The following NR3C1 variants were observed in gnomAD, a reference collection of about 807,000 sequenced individuals.
The protein encoded by NR3C1 is glucocorticoid receptor.
A neutral mutation model predicts 74.0 loss-of-function variants in NR3C1; 14 were observed. That is an observed-to-expected ratio of 0.19 (90% confidence interval 0.12 to 0.30). NR3C1 has a LOEUF of 0.30. Ranked by LOEUF, NR3C1 falls within the 10% of genes least tolerant of loss-of-function variation. The probability of loss-of-function intolerance (pLI) is 1.00; values close to 1 mark genes in which losing one functional copy is unlikely to be tolerated. For synonymous variants in NR3C1, 308 were observed against 332.5 expected, an observed-to-expected ratio of 0.93 and a Z score of 0.80; for missense variants, 695 against 909.8, an observed-to-expected ratio of 0.76 and a Z score of 3.04.
rs557322877 is a variant in NR3C1, at chr5:143,333,695, G to C, written c.1185-19527C>G. ...AGGCAGGAAAATCGCTTGAACCCAGGAGGCAGAGACTGCAGTGAGCCAAGA... is the reference window on the plus strand; with the variant it reads ...AGGCAGGAAAATCGCTTGAACCCAGCAGGCAGAGACTGCAGTGAGCCAAGA... On this transcript the variant is annotated intron_variant, in intron 2 of 8. Transcript: ENST00000394464. Among the ~76,000 whole-genome samples, 20 of 152,230 alleles carry C rather than the reference G, an allele frequency of 1.3e-4. No homozygotes were observed. In the East Asian group the frequency reaches 3.3e-3, roughly 25 times the overall value.
chr5:143,342,712 G>T (rs1828481298), intron 2 of NR3C1, among the ~76,000 whole-genome samples: 1 of 152,186 alleles, frequency 6.6e-6, no homozygotes, highest in Non-Finnish European at 1.5e-5. Context: ...AATGTGCTTT[G>T]TAATTGGAAT....
At chr5:143,358,376 T>C (rs1489594270) in intron 2 of NR3C1, among the ~76,000 whole-genome samples, 1 of 152,212 alleles carries the variant, frequency 6.6e-6, no homozygotes, top group African/African-American at 2.4e-5. Context: ...CCTTATAATG[T>C]TCATTTTGAT....
Position 143,279,263 on chromosome 5 carries a change from CGAT to C in NR3C1, c.*2623_*2625del. ...TTAATGAAAAGCCTCCTATAGTTGT[CGAT>C]GAGCATCAGTTGACTTATTATTGAC... On this transcript the variant is annotated 3_prime_UTR_variant, in exon 9 of 9. Coordinates refer to ENST00000394464, the MANE Select transcript of NR3C1 (RefSeq NM_000176.3). 4.4e-6 allele frequency: 6 copies of C among 1,356,924 alleles called. No individual in the cohort carries two copies. Among genetic ancestry groups the C allele is most frequent in the Non-Finnish European group, 6.0e-6 (6 of 1,001,278 alleles). 84.1% of individuals were successfully genotyped at this position (1,356,924 alleles called of 1,614,324 possible).
At chr5:143,378,899 G>T (rs1027324244) in intron 2 of NR3C1, among the ~76,000 whole-genome samples, 8 of 151,862 alleles carry the variant, frequency 5.3e-5, no homozygotes, top group African/African-American at 1.9e-4. Context: ...GCCACATATA[G>T]TATTAAGGCA....
intron 2 of NR3C1, among the ~76,000 whole-genome samples, chr5:143,328,184 T>C (rs2151685160): frequency 6.6e-6 from 1 of 152,360 alleles, no homozygotes; most frequent in South Asian, 2.1e-4. Flanking sequence ...GCTTGGGGCT[T>C]GCACCCTCTG....
chr5:143,384,111 C>T (rs1317524466), intron 2 of NR3C1, among the ~76,000 whole-genome samples: 2 of 152,168 alleles, frequency 1.3e-5, no homozygotes, highest in Non-Finnish European at 2.9e-5. Flanking sequence ...GTTCACATGG[C>T]AGAGGAGGAG....
At chr5:143,400,929 AAGAGGC>A in intron 1 of NR3C1, 77 bp from the exon 2 acceptor site, 1 of 1,095,376 alleles carries the variant, frequency 9.1e-7, no homozygotes, top group East Asian at 2.5e-5. Flanking sequence ...TCCGATTAGT[AAGAGGC>A]AGCTTGTTAA....
rs1400646165 is a variant in NR3C1, at chr5:143,310,129, C to T, written c.1436G>A (p.Arg479Gln). The T allele has an allele frequency of 5.0e-6, 8 of 1,613,746 alleles. No homozygotes were observed. The highest frequency in any genetic ancestry group is 2.2e-5 in the East Asian group (1 of 44,880). The change falls in exon 4 of 9, where the codon CGA becomes CAA. Residue 479 changes from arginine to glutamine, a missense_variant. Physicochemically the swap from Arg to Gln is conservative, Grantham distance 43. Transcript: ENST00000394464. ...RRKNCPACRY[R>Q]KCLQAGMNLE... is the part of the protein sequence containing the mutation. ...GTTCATTCCAGCCTGAAGACATTTT[C>T]GATAGCGGCATGCTGGGCAGTTTTT...
At chr5:143,311,618 C>T (rs1178048306) in intron 3 of NR3C1, among the ~76,000 whole-genome samples, 1 of 152,136 alleles carries the variant, frequency 6.6e-6, no homozygotes, top group Non-Finnish European at 1.5e-5. Context: ...TAGTCATTTC[C>T]TGTCAATCCA....
intron 2 of NR3C1, among the ~76,000 whole-genome samples, chr5:143,322,706 T>C (rs1823639187): frequency 6.6e-6 from 1 of 152,152 alleles, no homozygotes; most frequent in Admixed American, 6.6e-5. Flanking sequence ...CATATCAATA[T>C]AAAGGAAGGA....
chr5:143,433,021 C>T (rs1479174516), intron 1 of NR3C1, among the ~76,000 whole-genome samples: 1 of 152,102 alleles, frequency 6.6e-6, no homozygotes, highest in Non-Finnish European at 1.5e-5. Context: ...ATTTAGTTTC[C>T]ATTTTAAAGG....
chr5:143,338,632 C>T (rs1175731897), intron 2 of NR3C1, among the ~76,000 whole-genome samples: 1 of 152,062 alleles, frequency 6.6e-6, no homozygotes, highest in Non-Finnish European at 1.5e-5. Flanking sequence ...TTCTTTACAG[C>T]TGTACAATGT....
In NR3C1 at chr5:143,298,688, AGCAAAAC is replaced by A; in HGVS notation, c.1865_1871del (p.Cys622PhefsTer4). On this transcript the variant is annotated frameshift_variant, in exon 6 of 9. Coordinates refer to ENST00000394464, the MANE Select transcript of NR3C1 (RefSeq NM_000176.3). LOFTEE classifies it high-confidence loss of function. Reference sequence around the variant, plus strand: ...CTTACTCATTAATAATCAGATCAGGAGCAAAACACAGCAGGTTTGCACTTGATTGTCT... The same window carrying A: ...CTTACTCATTAATAATCAGATCAGGAACAGCAGGTTTGCACTTGATTGTCT... 1 of 1,613,790 alleles carries A rather than the reference AGCAAAAC, an allele frequency of 6.2e-7. No individual in the cohort carries two copies. The highest frequency in any genetic ancestry group is 8.5e-7 in the Non-Finnish European group (1 of 1,179,834).
chr5:143,432,632 A>G (rs1052853168), intron 1 of NR3C1, among the ~76,000 whole-genome samples: 4 of 152,236 alleles, frequency 2.6e-5, no homozygotes, highest in African/African-American at 9.6e-5. Flanking sequence ...TAAACAAAGT[A>G]AGCCAAAGGG....
intron 2 of NR3C1, among the ~76,000 whole-genome samples, chr5:143,349,051 C>A (rs1255791220): frequency 6.6e-6 from 1 of 152,070 alleles, no homozygotes; most frequent in Admixed American, 6.6e-5. Flanking sequence ...GAGAGAGAAG[C>A]CTCTTCTACA....
At chr5:143,324,083 T>G (rs1317371902) in intron 2 of NR3C1, among the ~76,000 whole-genome samples, 1 of 152,184 alleles carries the variant, frequency 6.6e-6, no homozygotes, top group Non-Finnish European at 1.5e-5. Flanking sequence ...GTGCAAGTTG[T>G]TGGTGGATCT....
At chr5:143,434,993 C>G in exon 1 of NR3C1, 1 of 985,106 alleles carries the variant, frequency 1.0e-6, no homozygotes, top group Non-Finnish European at 1.2e-6. Flanking sequence ...AGTGACTCTC[C>G]TAATTATGGT....
intron 7 of NR3C1, among the ~76,000 whole-genome samples, chr5:143,283,783 T>C (rs546501469): frequency 6.6e-6 from 1 of 152,108 alleles, no homozygotes; most frequent in South Asian, 2.1e-4. Context: ...CTGTGGAGAT[T>C]AGGACTTTTG....
At chr5:143,373,350 T>G (rs529566944) in intron 2 of NR3C1, among the ~76,000 whole-genome samples, 1 of 152,020 alleles carries the variant, frequency 6.6e-6, no homozygotes, top group Admixed American at 6.6e-5. Flanking sequence ...GTATGTACTG[T>G]ATTCATTAAA....
Sources: allele counts gnomAD v4.1 joint callset (sites outside exome capture counted in the v4.1 genomes callset), GRCh38; gene constraint gnomAD v4.1.1; transcripts MANE v1.5; gene names NCBI Gene and HGNC (gene_info 2026-07-23, HGNC 2026-07-21).